GRM7: variants seen among roughly 807,000 people sequenced by gnomAD.
GRM7 encodes the protein metabotropic glutamate receptor 7.
Under a neutral mutation model 84.5 loss-of-function variants are expected in GRM7, and 35 were observed. That is an observed-to-expected ratio of 0.41 (90% CI 0.32 to 0.55). The LOEUF is 0.55. Among genes scored for constraint, GRM7 ranks in the 20% least tolerant of loss-of-function variants. GRM7 has a pLI of 0.19. For missense variants in GRM7, 1,003 were observed against 1,194.6 expected (o/e 0.84, Z 2.36); for synonymous variants, 487 against 455.1 (o/e 1.07, Z -0.89).
intron 9 of GRM7, among the ~76,000 whole-genome samples, chr3:7,717,135 C>CT (rs913865601): frequency 4.6e-5 from 7 of 151,738 alleles, no homozygotes; most frequent in Admixed American, 6.6e-5. Context: ...TTTTCCCTTC[C>CT]TTTTTTTTCA....
chr3:7,636,612 G>A lies in GRM7; in HGVS notation c.2452-43437G>A, dbSNP rs990840442. On this transcript the variant is annotated intron_variant, in intron 8 of 9. Transcript: ENST00000357716. ...ATTTTAAAAATGTAATTGATCATTG[G>A]CATTCAAGACAGAAATGTTCAGATG... is the stretch of plus-strand genomic sequence containing the variant. 7.2e-5 allele frequency among the ~76,000 whole-genome samples: 11 copies of A among 152,148 alleles called. 1 individual carries two copies. The highest frequency in any genetic ancestry group is 7.2e-4 in the Admixed American group (11 of 15,274).
chr3:7,189,282 A>T (rs1695627644), intron 2 of GRM7, among the ~76,000 whole-genome samples: 1 of 152,188 alleles, frequency 6.6e-6, no homozygotes, highest in African/African-American at 2.4e-5. Flanking sequence ...GTGAGAAAGC[A>T]ATAAATCAAG....
intron 1 of GRM7, among the ~76,000 whole-genome samples, chr3:6,923,946 T>C (rs1697214316): frequency 6.6e-6 from 1 of 152,192 alleles, no homozygotes. Context: ...CTCATGACAA[T>C]AGTGTCAGTG....
At chr3:6,871,362 A>C (rs901486949) in intron 1 of GRM7, among the ~76,000 whole-genome samples, 3 of 152,100 alleles carry the variant, frequency 2.0e-5, no homozygotes, top group African/African-American at 7.2e-5. Flanking sequence ...TATGTTCTTC[A>C]TTAAACTTAG....
intron 1 of GRM7, among the ~76,000 whole-genome samples, chr3:6,904,584 C>T (rs1419043145): frequency 6.6e-6 from 1 of 152,150 alleles, no homozygotes. Context: ...TCAACGTTCT[C>T]AACAGGACTA....
chr3:7,247,302 T>C (rs1034766249), intron 2 of GRM7, among the ~76,000 whole-genome samples: 7 of 152,096 alleles, frequency 4.6e-5, no homozygotes, highest in Admixed American at 3.9e-4. Flanking sequence ...CTAGACACCA[T>C]AGCTCATTCC....
intron 1 of GRM7, among the ~76,000 whole-genome samples, chr3:7,129,462 A>G (rs1309924014): frequency 6.6e-6 from 1 of 152,206 alleles, no homozygotes; most frequent in African/African-American, 2.4e-5. Flanking sequence ...TACTGGCTAA[A>G]AAATTACATT....
At chr3:7,364,896 A>G (rs189731309) in intron 4 of GRM7, among the ~76,000 whole-genome samples, 64 of 151,930 alleles carry the variant, frequency 4.2e-4, no homozygotes, top group African/African-American at 1.4e-3. Context: ...CTTGCTCATC[A>G]TTCCTTTTTG....
At chr3:6,970,570 G>T (rs1693710643) in intron 1 of GRM7, among the ~76,000 whole-genome samples, 2 of 152,230 alleles carry the variant, frequency 1.3e-5, no homozygotes, top group African/African-American at 4.8e-5. Flanking sequence ...AAGAGGGAAA[G>T]CCGTGGTGGG....
At chr3:7,448,944 C>G (rs193109422) in intron 5 of GRM7, among the ~76,000 whole-genome samples, 1 of 151,452 alleles carries the variant, frequency 6.6e-6, no homozygotes, top group African/African-American at 2.4e-5. Flanking sequence ...GAAATGCCTC[C>G]GAGATTGCCT....
chr3:7,312,413 A>ATG lies in GRM7; in HGVS notation c.1033+5761_1033+5762insTG, dbSNP rs528230552. On this transcript the variant is annotated intron_variant, in intron 4 of 9. Coordinates refer to ENST00000357716, the MANE Select transcript of GRM7 (RefSeq NM_000844.4). ...GGCAATCAGTAGACTCATATGAGAG[A>ATG]AGTAGGTGGACAACCTTTGGGGACA... 2.7e-4 allele frequency among the ~76,000 whole-genome samples: 41 copies of ATG among 152,128 alleles called. 3 individuals carry two copies. The East Asian group carries it at 8.0e-3, about 30-fold the overall frequency.
intron 1 of GRM7, among the ~76,000 whole-genome samples, chr3:7,123,829 AAATCTTT>A (rs1693305569): frequency 6.6e-6 from 1 of 152,130 alleles, no homozygotes; most frequent in South Asian, 2.1e-4. Flanking sequence ...CTCATTGATA[AAATCTTT>A]CTTGACCTGC....
chr3:7,180,115 AAC>A (rs1695288108), intron 2 of GRM7, among the ~76,000 whole-genome samples: 1 of 152,202 alleles, frequency 6.6e-6, no homozygotes, highest in South Asian at 2.1e-4. Flanking sequence ...ATGATATAGA[AAC>A]AGTGCAAATA....
chr3:7,466,224 G>T (rs1333690909), intron 7 of GRM7, among the ~76,000 whole-genome samples: 1 of 152,100 alleles, frequency 6.6e-6, no homozygotes, highest in Admixed American at 6.5e-5. Context: ...TAAACAAGAG[G>T]CAGATCCATG....
chr3:7,558,856 G>A (rs958962435), intron 7 of GRM7, among the ~76,000 whole-genome samples: 5 of 152,044 alleles, frequency 3.3e-5, no homozygotes, highest in Admixed American at 6.6e-5. Flanking sequence ...AATCTGTAAG[G>A]TTATATTCAA....
rs934373771 is a variant in GRM7, at chr3:6,928,406, T to C, written c.519+66499T>C. Among the ~76,000 whole-genome samples the C allele has an allele frequency of 2.2e-4, 34 of 152,176 alleles. No homozygotes were observed. The highest frequency in any genetic ancestry group is 7.5e-4 in the African/African-American group (31 of 41,456). On this transcript the variant is annotated intron_variant, in intron 1 of 9. Coordinates refer to ENST00000357716, the MANE Select transcript of GRM7 (RefSeq NM_000844.4). This position sits in a 1 kb window ranked among gnomAD's most constrained non-coding sequence, Gnocchi z 4.5. Reference sequence around the variant, plus strand: ...ACAGTGAATTTGCATTGATATTCGATATAGGCATCATGGCATATGAGGAAG... The same window carrying C: ...ACAGTGAATTTGCATTGATATTCGACATAGGCATCATGGCATATGAGGAAG...
chr3:7,640,484 A>G (rs1272014626), intron 8 of GRM7, among the ~76,000 whole-genome samples: 1 of 152,216 alleles, frequency 6.6e-6, no homozygotes, highest in African/African-American at 2.4e-5. Context: ...ATAAGCACAA[A>G]TTTTAAACTA....
intron 1 of GRM7, among the ~76,000 whole-genome samples, chr3:7,139,655 ATAGTT>A (rs746933650): frequency 4.6e-4 from 70 of 152,008 alleles, no homozygotes; most frequent in Non-Finnish European, 8.0e-4. Flanking sequence ...AGATCAATGT[ATAGTT>A]TAGAGTGATA....
intron 4 of GRM7, among the ~76,000 whole-genome samples, chr3:7,336,494 G>T (rs149853160): frequency 1.8e-4 from 28 of 151,960 alleles, no homozygotes; most frequent in Non-Finnish European, 3.2e-4. Context: ...AGACAAGGAT[G>T]CCCACTTTCA....
Sources: allele counts gnomAD v4.1 joint callset (sites outside exome capture counted in the v4.1 genomes callset), GRCh38; gene constraint gnomAD v4.1.1; non-coding constraint Gnocchi (gnomAD v3.1); transcripts MANE v1.5; gene names NCBI Gene and HGNC (gene_info 2026-07-23, HGNC 2026-07-21).